Variants in TMEM117 observed in about 807,000 individuals in gnomAD.
TMEM117 encodes the protein transmembrane protein 117.
TMEM117 carries 27 observed loss-of-function variants against 52.4 expected under a neutral mutation model. That is an observed-to-expected ratio of 0.51 (90% CI 0.38 to 0.71). The LOEUF (loss-of-function observed/expected upper bound fraction) is 0.71. TMEM117 is among the 30% of genes least tolerant of loss of function. TMEM117 has a pLI of 0.00. For synonymous variants in TMEM117, 215 were observed against 206.3 expected (o/e 1.04, Z -0.36); for missense variants, 556 against 630.5 (o/e 0.88, Z 1.26).
intron 2 of TMEM117, among the ~76,000 whole-genome samples, chr12:43,853,672 G>A (rs1943350264): frequency 6.6e-6 from 1 of 152,138 alleles, no homozygotes; most frequent in Admixed American, 6.5e-5. Context: ...TTAAAATCTG[G>A]TTAAAAAGAC....
chr12:44,106,055 G>T (rs1220513018), intron 3 of TMEM117, among the ~76,000 whole-genome samples: 1 of 151,960 alleles, frequency 6.6e-6, no homozygotes, highest in Non-Finnish European at 1.5e-5. Flanking sequence ...TTTCTGTCCT[G>T]GCACTGGTTC....
At chr12:43,918,948 T>G (rs1377179987) in intron 2 of TMEM117, among the ~76,000 whole-genome samples, 1 of 152,214 alleles carries the variant, frequency 6.6e-6, no homozygotes, top group African/African-American at 2.4e-5. Context: ...TACTATATAC[T>G]CTGCTTTTTT....
intron 3 of TMEM117, among the ~76,000 whole-genome samples, chr12:43,959,369 A>C (rs1465876151): frequency 5.9e-5 from 9 of 152,234 alleles, no homozygotes; most frequent in Non-Finnish European, 1.3e-4. Flanking sequence ...CTGTCGTCAC[A>C]GTTGTAGGCT....
At chr12:44,191,127 C>A (rs901436080) in intron 4 of TMEM117, among the ~76,000 whole-genome samples, 2 of 151,848 alleles carry the variant, frequency 1.3e-5, no homozygotes, top group Non-Finnish European at 2.9e-5. Flanking sequence ...TCCTTCTTCA[C>A]GTGATGGCAG....
chr12:43,827,685 G>T, the TMEM117 span, among the ~76,000 whole-genome samples: 2 of 152,080 alleles, frequency 1.3e-5, no homozygotes, highest in Non-Finnish European at 2.9e-5. Flanking sequence ...TATAGATGAG[G>T]GATAGTTGCT....
At chr12:43,991,244 G>A (rs931024679) in intron 3 of TMEM117, among the ~76,000 whole-genome samples, 7 of 152,076 alleles carry the variant, frequency 4.6e-5, no homozygotes, top group Non-Finnish European at 7.4e-5. Context: ...TAAAGTCGTC[G>A]GAATGTTAGT....
In TMEM117 at chr12:44,281,040, A is replaced by G. The variant is rs143137205; in HGVS notation, c.609-18540A>G. Among the ~76,000 whole-genome samples, 515 of 152,308 alleles carry G rather than the reference A, an allele frequency of 3.4e-3. 2 individuals are homozygous for G. Among genetic ancestry groups the G allele is most frequent in the Non-Finnish European group, 5.8e-3 (392 of 68,018 alleles). On this transcript the variant is annotated intron_variant, in intron 5 of 7. Transcript: ENST00000266534. The stretch of plus-strand genomic sequence containing the variant: ...AGTTTTTCCTGAATTAGTCTTAAAT[A>G]AGTCAGCATCTTCACAAGTTCCCAA...
intron 4 of TMEM117, among the ~76,000 whole-genome samples, chr12:44,175,145 T>G (rs1274274861): frequency 6.6e-6 from 1 of 152,210 alleles, no homozygotes; most frequent in Non-Finnish European, 1.5e-5. Context: ...CTACTTTGGC[T>G]AGGAAATAGG....
chr12:44,229,135 G>C (rs1565615497), intron 5 of TMEM117, among the ~76,000 whole-genome samples: 2 of 152,016 alleles, frequency 1.3e-5, no homozygotes, highest in Admixed American at 1.3e-4. Flanking sequence ...TGAGCATCTA[G>C]TAATAGTGCC....
the TMEM117 span, among the ~76,000 whole-genome samples, chr12:43,821,434 C>A: frequency 6.6e-6 from 1 of 152,154 alleles, no homozygotes; most frequent in Non-Finnish European, 1.5e-5. Context: ...GCACACACCA[C>A]CAGACCTGGC....
intron 7 of TMEM117, among the ~76,000 whole-genome samples, chr12:44,383,752 C>T (rs1437239080): frequency 6.6e-6 from 1 of 152,102 alleles, no homozygotes; most frequent in African/African-American, 2.4e-5. Context: ...GAAGCACTTT[C>T]TATTCTGTTC....
At chr12:44,115,717 C>G (rs1242210272) in intron 3 of TMEM117, among the ~76,000 whole-genome samples, 2 of 152,142 alleles carry the variant, frequency 1.3e-5, no homozygotes, top group East Asian at 1.9e-4. Context: ...TCTGATTGAT[C>G]AACTCATTCA....
chr12:43,893,009 T>C (rs1394612185), intron 2 of TMEM117, among the ~76,000 whole-genome samples: 1 of 152,154 alleles, frequency 6.6e-6, no homozygotes, highest in African/African-American at 2.4e-5. Flanking sequence ...GAGCTGGATA[T>C]GATGTTCCAG....
intron 2 of TMEM117, among the ~76,000 whole-genome samples, chr12:43,849,099 T>C (rs914335164): frequency 4.6e-5 from 7 of 152,324 alleles, no homozygotes; most frequent in Admixed American, 2.0e-4. Context: ...AGAGAATATT[T>C]AGGAACTCAG....
At chr12:43,986,577 T>C (rs983698136) in intron 3 of TMEM117, among the ~76,000 whole-genome samples, 1 of 152,198 alleles carries the variant, frequency 6.6e-6, no homozygotes, top group African/African-American at 2.4e-5. Context: ...TCTTTTCATT[T>C]GTCTTCCTTA....
At chr12:44,208,936 G>A (rs1949610237) in intron 4 of TMEM117, among the ~76,000 whole-genome samples, 2 of 151,898 alleles carry the variant, frequency 1.3e-5, no homozygotes, top group South Asian at 2.1e-4. Context: ...TAATCATTCT[G>A]TTCCTTGGAA....
chr12:44,243,804 C>A (rs544961699), intron 5 of TMEM117, among the ~76,000 whole-genome samples: 1 of 151,728 alleles, frequency 6.6e-6, no homozygotes, highest in African/African-American at 2.4e-5. Context: ...CCACCTCTGG[C>A]AACAATCTTC....
chr12:43,928,728 A>C, intron 2 of TMEM117, among the ~76,000 whole-genome samples: 2 of 140,560 alleles, frequency 1.4e-5, no homozygotes, highest in Admixed American at 1.4e-4. Flanking sequence ...ATATCTCCCA[A>C]TGCTATCCCT....
At chr12:44,278,521 A>G (rs78290561) in intron 5 of TMEM117, among the ~76,000 whole-genome samples, 2,688 of 152,276 alleles carry the variant, frequency 0.018, 63 homozygotes, top group East Asian at 0.057. Context: ...CATGCCATAC[A>G]TATATTACTG....
Sources: allele counts gnomAD v4.1 joint callset (sites outside exome capture counted in the v4.1 genomes callset), GRCh38; gene constraint gnomAD v4.1.1; transcripts MANE v1.5; gene names NCBI Gene and HGNC (gene_info 2026-07-23, HGNC 2026-07-21).